Variants in LNPK observed in about 807,000 individuals in gnomAD.
The protein encoded by LNPK is endoplasmic reticulum junction formation protein lunapark.
LNPK carries 29 observed loss-of-function variants against 55.2 expected under a neutral mutation model. The ratio of observed to expected loss-of-function variants is 0.53; its 90% CI spans 0.39 to 0.72. LNPK has a LOEUF of 0.72. Ranked by LOEUF, LNPK falls within the 30% of genes least tolerant of loss-of-function variation. The pLI is 0.00. For synonymous variants in LNPK, 162 were observed against 168.2 expected (o/e 0.96, Z 0.29); for missense variants, 467 against 494.8 (o/e 0.94, Z 0.53).
Position 175,929,643 on chromosome 2 carries a change from G to A in LNPK, c.*324C>T. The A allele has an allele frequency of 1.9e-6, 2 of 1,056,148 alleles. No individual in the cohort carries two copies. Among genetic ancestry groups the A allele is most frequent in the Non-Finnish European group, 2.3e-6 (2 of 875,398 alleles). 65.4% of individuals were successfully genotyped at this position (1,056,148 alleles called of 1,614,324 possible). On this transcript the variant is annotated 3_prime_UTR_variant, in exon 13 of 13. Transcript: ENST00000272748. The stretch of plus-strand genomic sequence containing the variant: ...CCAAAGTTCTTCCTATGTCAAAATG[G>A]ATATTTACGGGTTATACATACAGAA...
chr2:175,937,401 A>C lies in LNPK; in HGVS notation c.997T>G (p.Ser333Ala). The stretch of plus-strand genomic sequence containing the variant: ...CTTCCTGATGGCAAGGGACCAACTG[A>C]ACTTGAACCTTCCACCACCTGCCTC... Reference protein sequence around the residue: ...EKRQVVEGSSSVGPLPSGSVL... With the variant: ...EKRQVVEGSSAVGPLPSGSVL... Residue 333 changes from serine (S) to alanine (A), a missense_variant, in exon 12 of 13, where the codon TCA becomes GCA. Ser to Ala is a moderately conservative substitution (Grantham distance 99). Transcript: ENST00000272748. 1 of 1,613,812 alleles carries C rather than the reference A, an allele frequency of 6.2e-7. No individual in the cohort carries two copies. The highest frequency in any genetic ancestry group is 8.5e-7 in the Non-Finnish European group (1 of 1,179,774).
chr2:175,985,810 T>C (rs1295904676), intron 4 of LNPK, among the ~76,000 whole-genome samples: 1 of 152,216 alleles, frequency 6.6e-6, no homozygotes, highest in Non-Finnish European at 1.5e-5. Flanking sequence ...AAAAGTTATA[T>C]GAATGTAGTC....
intron 6 of LNPK, among the ~76,000 whole-genome samples, chr2:175,968,885 G>A (rs978207295): frequency 3.9e-5 from 6 of 152,094 alleles, no homozygotes; most frequent in African/African-American, 1.4e-4. Context: ...AGGTGTGGTG[G>A]TGCATGCCTG....
Position 175,997,705 on chromosome 2 carries a change from C to CTGGGTGTGTGTGTG in LNPK, c.-62-2060_-62-2059insCACACACACACCCA, listed in dbSNP as rs71409064. Among the ~76,000 whole-genome samples the CTGGGTGTGTGTGTG allele has an allele frequency of 2.8e-5, 4 of 144,028 alleles. No individual in the cohort carries two copies. The Admixed American group carries it at 2.8e-4, about 10-fold the overall frequency. The allele number at this position is 144,028 out of a possible 152,430, so 94.5% of individuals were successfully genotyped here. A position where few individuals can be genotyped will look rare whatever the true frequency, so the allele number is the denominator to read the frequency against. ...TTCTAGCGGCCCTAAAACAAATGCT[C>CTGGGTGTGTGTGTG]TGTGTGTGTGTGTGTGTGTGTGTGT... On this transcript the variant is annotated intron_variant, in intron 1 of 12. Transcript: ENST00000272748.
At chr2:175,966,974 T>C (rs1265978517) in intron 6 of LNPK, among the ~76,000 whole-genome samples, 1 of 152,214 alleles carries the variant, frequency 6.6e-6, no homozygotes, top group African/African-American at 2.4e-5. Context: ...AGAATGGGCC[T>C]GAAACAAACT....
At chr2:175,980,631 G>C (rs766199184) in intron 4 of LNPK, among the ~76,000 whole-genome samples, 1 of 152,186 alleles carries the variant, frequency 6.6e-6, no homozygotes, top group Non-Finnish European at 1.5e-5. Context: ...ATAAGGCTGG[G>C]CACGGTGGCT....
intron 8 of LNPK, among the ~76,000 whole-genome samples, chr2:175,962,075 C>T (rs1686061786): frequency 6.6e-6 from 1 of 152,194 alleles, no homozygotes; most frequent in Non-Finnish European, 1.5e-5. Flanking sequence ...AATAGAAGAA[C>T]ATTCCATGCT....
chr2:175,968,028 A>G (rs998926620), intron 6 of LNPK, among the ~76,000 whole-genome samples: 1 of 152,190 alleles, frequency 6.6e-6, no homozygotes, highest in Admixed American at 6.5e-5. Context: ...GTAGGTATAT[A>G]AACATTTTTA....
Position 175,993,174 on chromosome 2 carries a change from G to A in LNPK, c.69+8C>T. 1 of 1,522,960 alleles carries A rather than the reference G, an allele frequency of 6.6e-7. No individual in the cohort carries two copies. Among genetic ancestry groups the A allele is most frequent in the South Asian group, 1.2e-5 (1 of 82,130 alleles). 94.3% of individuals were successfully genotyped at this position (1,522,960 alleles called of 1,614,324 possible). ...TGAATTAAAATACCTCACAGCCAAA[G>A]AACATACCTTATCTATACTTTCTAG... On this transcript the variant is annotated splice_region_variant and intron_variant, in intron 3 of 12. Coordinates refer to ENST00000272748, the MANE Select transcript of LNPK (RefSeq NM_030650.3).
intron 8 of LNPK, among the ~76,000 whole-genome samples, chr2:175,950,570 A>C (rs1435700212): frequency 1.3e-5 from 2 of 152,164 alleles, no homozygotes; most frequent in Admixed American, 1.3e-4. Context: ...TATATTTTTA[A>C]AACTACTATA....
intron 1 of LNPK, 36 bp downstream of exon 1, chr2:176,002,124 G>C (rs1484620779): frequency 2.4e-6 from 1 of 409,862 alleles, no homozygotes; most frequent in Admixed American, 2.9e-5. Flanking sequence ...CCCCGCTGCA[G>C]AGCCCTCCCA....
chr2:175,944,463 T>G (rs1268116125), intron 9 of LNPK, among the ~76,000 whole-genome samples: 4 of 152,044 alleles, frequency 2.6e-5, no homozygotes, highest in Non-Finnish European at 4.4e-5. Context: ...CTATAACCTC[T>G]GAAAACTGAA....
intron 8 of LNPK, among the ~76,000 whole-genome samples, chr2:175,961,920 G>C (rs146765895): frequency 0.023 from 3,423 of 151,904 alleles, 59 homozygotes; most frequent in Non-Finnish European, 0.032. Flanking sequence ...CAGACAAACA[G>C]AGAACCAAAT....
chr2:175,960,604 GC>G (rs1685969390), intron 8 of LNPK, among the ~76,000 whole-genome samples: 1 of 152,200 alleles, frequency 6.6e-6, no homozygotes, highest in Admixed American at 6.5e-5. Flanking sequence ...ACAAGAGAAA[GC>G]AGGGAAGATC....
At chr2:175,960,623 G>A (rs558468700) in intron 8 of LNPK, among the ~76,000 whole-genome samples, 3 of 152,200 alleles carry the variant, frequency 2.0e-5, no homozygotes, top group Non-Finnish European at 4.4e-5. Flanking sequence ...ATCTAAAATC[G>A]ACACGCTAAC....
chr2:175,981,417 T>C (rs1020689686), intron 4 of LNPK, among the ~76,000 whole-genome samples: 3 of 151,726 alleles, frequency 2.0e-5, no homozygotes. Flanking sequence ...AATTTAGGAG[T>C]AGATTAGGGA....
chr2:175,993,904 C>A lies in LNPK; in HGVS notation c.28-681G>T, dbSNP rs1369081174. Among the ~76,000 whole-genome samples, 3 of 152,178 alleles carry A rather than the reference C, an allele frequency of 2.0e-5. No homozygotes were observed. In the South Asian group the frequency reaches 6.2e-4, roughly 32 times the overall value. ...TTAACACATTGAAAAAAATTACAGA[C>A]TAAAAATGGTCTGATTTGCTATTGC... is the stretch of plus-strand genomic sequence containing the variant. On this transcript the variant is annotated intron_variant, in intron 2 of 12. Coordinates refer to ENST00000272748, the MANE Select transcript of LNPK (RefSeq NM_030650.3).
chr2:175,947,427 G>A (rs1685188182), intron 9 of LNPK, 53 bp downstream of exon 9: 4 of 1,479,372 alleles, frequency 2.7e-6, no homozygotes, highest in East Asian at 2.3e-5. Flanking sequence ...CCGTTTTATT[G>A]GTAACCAGAG....
rs973192611 is a variant in LNPK at position 175,928,386 on chromosome 2, A to C, written c.*1581T>G. ...CTTCCCATTTTACAGATGAAAAAATAATCTCAGTGAGTTTATAGGTGACTT... is the reference window on the plus strand; with the variant it reads ...CTTCCCATTTTACAGATGAAAAAATCATCTCAGTGAGTTTATAGGTGACTT... On this transcript the variant is annotated 3_prime_UTR_variant, in exon 13 of 13. Transcript: ENST00000272748. 6.6e-6 allele frequency: 1 copy of C among 152,024 alleles called. No homozygotes were observed. The highest frequency in any genetic ancestry group is 1.5e-5 in the Non-Finnish European group (1 of 67,972). 9.4% of individuals were successfully genotyped at this position (152,024 alleles called of 1,614,324 possible). A position where few individuals can be genotyped will look rare whatever the true frequency, so the allele number is the denominator to read the frequency against.
Sources: allele counts gnomAD v4.1 joint callset (sites outside exome capture counted in the v4.1 genomes callset), GRCh38; gene constraint gnomAD v4.1.1; transcripts MANE v1.5; gene names NCBI Gene and HGNC (gene_info 2026-07-23, HGNC 2026-07-21).